Variants in ST8SIA1 observed in about 807,000 individuals in gnomAD.
ST8SIA1 encodes the protein alpha-N-acetylneuraminide alpha-2,8-sialyltransferase.
A neutral mutation model predicts 35.9 loss-of-function variants in ST8SIA1; 16 were observed. That is an observed-to-expected ratio of 0.45 (90% CI 0.30 to 0.68). ST8SIA1 has a LOEUF of 0.68. Ranked by LOEUF, ST8SIA1 falls within the 30% of genes least tolerant of loss-of-function variation. The pLI is 0.09. For synonymous variants in ST8SIA1, 170 were observed against 169.6 expected (o/e 1.00, Z -0.02); for missense variants, 383 against 453.6 (o/e 0.84, Z 1.41).
chr12:22,322,388 T>A (rs1241656982), intron 1 of ST8SIA1, among the ~76,000 whole-genome samples: 2 of 152,186 alleles, frequency 1.3e-5, no homozygotes, highest in Admixed American at 1.3e-4. Flanking sequence ...ATCGAATATA[T>A]ATTTGTTGAA....
chr12:22,203,980 A>T (rs1012164149), intron 4 of ST8SIA1, among the ~76,000 whole-genome samples: 2 of 152,184 alleles, frequency 1.3e-5, no homozygotes, highest in Non-Finnish European at 2.9e-5. Flanking sequence ...CACAGGTGGG[A>T]CATACTTATT....
chr12:22,259,286 A>C (rs997475844), intron 2 of ST8SIA1, among the ~76,000 whole-genome samples: 1 of 140,998 alleles, frequency 7.1e-6, no homozygotes, highest in Admixed American at 7.1e-5. Flanking sequence ...ACAAAAGTCC[A>C]GGGGTTTTTT....
At chr12:22,243,360 C>T (rs967465511) in intron 4 of ST8SIA1, among the ~76,000 whole-genome samples, 80 of 152,136 alleles carry the variant, frequency 5.3e-4, no homozygotes, top group African/African-American at 1.8e-3. Context: ...GAGAAGACTA[C>T]GAGATATGAA....
At chr12:22,231,659 C>T (rs999509360) in intron 4 of ST8SIA1, among the ~76,000 whole-genome samples, 7 of 151,852 alleles carry the variant, frequency 4.6e-5, no homozygotes, top group East Asian at 1.9e-4. Flanking sequence ...CTGCAAGCTC[C>T]GCCTCCCGGG....
At chr12:22,317,779 T>G (rs191672190) in intron 1 of ST8SIA1, among the ~76,000 whole-genome samples, 2 of 152,226 alleles carry the variant, frequency 1.3e-5, no homozygotes, top group African/African-American at 4.8e-5. Flanking sequence ...CAGCCTCCAC[T>G]CGGAGACAGA....
intron 4 of ST8SIA1, among the ~76,000 whole-genome samples, chr12:22,220,334 A>C (rs1865282968): frequency 6.6e-6 from 1 of 152,214 alleles, no homozygotes; most frequent in Non-Finnish European, 1.5e-5. Context: ...TTTAGAAATA[A>C]AGATAAGCAC....
intron 4 of ST8SIA1, among the ~76,000 whole-genome samples, chr12:22,231,025 T>C (rs1361858310): frequency 6.6e-6 from 1 of 151,948 alleles, no homozygotes; most frequent in African/African-American, 2.4e-5. Flanking sequence ...ACTAGAAATA[T>C]GTTGGTGAGC....
chr12:22,214,446 G>T (rs979104810), intron 4 of ST8SIA1, among the ~76,000 whole-genome samples: 1 of 151,922 alleles, frequency 6.6e-6, no homozygotes, highest in African/African-American at 2.4e-5. Context: ...AATATATGAA[G>T]AGCCCAGGCA....
chr12:22,266,499 A>AT (rs1349396730), intron 2 of ST8SIA1, among the ~76,000 whole-genome samples: 1 of 144,230 alleles, frequency 6.9e-6, no homozygotes, highest in Non-Finnish European at 1.5e-5. Flanking sequence ...TATTTAAAAA[A>AT]AAAATATATA....
At chr12:22,208,346 T>A (rs1865138625) in intron 4 of ST8SIA1, among the ~76,000 whole-genome samples, 1 of 152,108 alleles carries the variant, frequency 6.6e-6, no homozygotes, top group Admixed American at 6.5e-5. Context: ...CTATCTAGAA[T>A]ATACAAAATA....
intron 1 of ST8SIA1, among the ~76,000 whole-genome samples, chr12:22,310,528 C>G (rs1343665544): frequency 6.6e-6 from 1 of 152,118 alleles, no homozygotes; most frequent in African/African-American, 2.4e-5. Flanking sequence ...CATATGTCCC[C>G]AAATGAGACA....
intron 1 of ST8SIA1, among the ~76,000 whole-genome samples, chr12:22,328,686 G>A (rs995201375): frequency 6.6e-6 from 1 of 152,174 alleles, no homozygotes; most frequent in African/African-American, 2.4e-5. Context: ...ACAGAGAGGA[G>A]GAGTTCTAAG....
Position 22,195,486 on chromosome 12 carries a change from A to G in ST8SIA1, c.*6066T>C, listed in dbSNP as rs1480416865. On this transcript the variant is annotated 3_prime_UTR_variant, in exon 5 of 5. Coordinates refer to ENST00000396037, the MANE Select transcript of ST8SIA1 (RefSeq NM_003034.4). ...TTTGTAACCAGGTAAAAGCAGGAAC[A>G]CAGTCCCCCATTACCACAAATTATG... 1 of 152,140 alleles carries G rather than the reference A, an allele frequency of 6.6e-6. No homozygotes were observed. The highest frequency in any genetic ancestry group is 1.5e-5 in the Non-Finnish European group (1 of 68,088). The allele number at this position is 152,140 out of a possible 1,614,324, so 9.4% of individuals were successfully genotyped here.
At chr12:22,238,170 C>CCG (rs1555156081) in intron 4 of ST8SIA1, among the ~76,000 whole-genome samples, 37 of 152,158 alleles carry the variant, frequency 2.4e-4, no homozygotes, top group African/African-American at 7.5e-4. Context: ...AACTCCCCCC[C>CCG]CAACAAGAGG....
chr12:22,272,014 AATCT>A (rs1408660025), intron 2 of ST8SIA1, among the ~76,000 whole-genome samples: 3 of 152,150 alleles, frequency 2.0e-5, no homozygotes, highest in Admixed American at 2.0e-4. Context: ...GCCCTTACTT[AATCT>A]ATCTTACATC....
At chr12:22,255,825 T>C (rs910473310) in intron 2 of ST8SIA1, among the ~76,000 whole-genome samples, 1 of 152,208 alleles carries the variant, frequency 6.6e-6, no homozygotes, top group African/African-American at 2.4e-5. Flanking sequence ...TTCTGAACAT[T>C]TCCTTTGCTA....
chr12:22,259,501 T>A lies in ST8SIA1; in HGVS notation c.382-4112A>T, dbSNP rs532964007. Among the ~76,000 whole-genome samples the A allele has an allele frequency of 5.9e-5, 9 of 151,720 alleles. 1 individual carries two copies. The East Asian group carries it at 1.8e-3, about 30-fold the overall frequency. On this transcript the variant is annotated intron_variant, in intron 2 of 4. Transcript: ENST00000396037. ...TTTTTTTTTTGAGACAGAGTCTCCC[T>A]CTCGCCCAGGCCAGAATGCAGTGGC...
At chr12:22,330,019 C>T (rs1329644488) in intron 1 of ST8SIA1, among the ~76,000 whole-genome samples, 1 of 152,188 alleles carries the variant, frequency 6.6e-6, no homozygotes, top group Non-Finnish European at 1.5e-5. Context: ...CCACCCAGCC[C>T]ACTTTTCTAT....
intron 2 of ST8SIA1, among the ~76,000 whole-genome samples, chr12:22,265,890 T>TA (rs34852606): frequency 2.5e-4 from 37 of 147,036 alleles, no homozygotes; most frequent in Middle Eastern, 3.5e-3. Flanking sequence ...ACTTTTCTAA[T>TA]AAAAAAAAAA....
Sources: allele counts gnomAD v4.1 joint callset (sites outside exome capture counted in the v4.1 genomes callset), GRCh38; gene constraint gnomAD v4.1.1; transcripts MANE v1.5; gene names NCBI Gene and HGNC (gene_info 2026-07-23, HGNC 2026-07-21).